LRRC4C: variants seen among roughly 807,000 people sequenced by gnomAD.
The protein encoded by LRRC4C is leucine-rich repeat-containing protein 4C.
Under a neutral mutation model 33.6 loss-of-function variants are expected in LRRC4C, and 5 were observed. The ratio of observed to expected loss-of-function variants is 0.15; its 90% confidence interval spans 0.08 to 0.31. The LOEUF is 0.31. Among genes scored for constraint, LRRC4C ranks in the 10% least tolerant of loss-of-function variants. The pLI is 1.00. For synonymous variants in LRRC4C, 329 were observed against 302.0 expected (o/e 1.09, Z -0.93); for missense variants, 560 against 796.7 (o/e 0.70, Z 3.58).
intron 3 of LRRC4C, among the ~76,000 whole-genome samples, chr11:40,488,284 C>G (rs958991123): frequency 1.3e-5 from 2 of 148,952 alleles, no homozygotes; most frequent in Non-Finnish European, 3.0e-5. Flanking sequence ...GTTTTTTTCC[C>G]CCCCCCACTT....
At chr11:40,134,952 C>G (rs1856870309) in intron 6 of LRRC4C, among the ~76,000 whole-genome samples, 1 of 152,194 alleles carries the variant, frequency 6.6e-6, no homozygotes, top group African/African-American at 2.4e-5. Flanking sequence ...AGGAAACTCT[C>G]TTTAATTGAG....
chr11:41,234,988 G>C (rs2136492755), intron 1 of LRRC4C, among the ~76,000 whole-genome samples: 1 of 151,936 alleles, frequency 6.6e-6, no homozygotes, highest in South Asian at 2.1e-4. Flanking sequence ...TCTGTCAGGA[G>C]GACTATAATA....
chr11:41,005,333 A>G (rs1193364273), intron 1 of LRRC4C, among the ~76,000 whole-genome samples: 5 of 152,074 alleles, frequency 3.3e-5, no homozygotes, highest in Admixed American at 3.3e-4. Flanking sequence ...GCTGGGCGTG[A>G]TGGCTCATGC....
At chr11:40,390,995 C>G (rs548352638) in intron 3 of LRRC4C, among the ~76,000 whole-genome samples, 28 of 152,164 alleles carry the variant, frequency 1.8e-4, no homozygotes, top group South Asian at 1.0e-3. Context: ...AATTGTGGTG[C>G]CTCAGCCTCC....
Position 40,900,430 on chromosome 11 carries a change from A to G in LRRC4C, c.-407+33205T>C, listed in dbSNP as rs762910918. Among the ~76,000 whole-genome samples, 42 of 152,086 alleles carry G rather than the reference A, an allele frequency of 2.8e-4. 1 individual carries two copies. The highest frequency in any genetic ancestry group is 2.8e-4 in the Non-Finnish European group (19 of 67,972). The stretch of plus-strand genomic sequence containing the variant: ...CAGTGGCAAGTGGTATTTAGAAACC[A>G]CTTGGCAATAATTGTGCTAATTGCC... On this transcript the variant is annotated intron_variant, in intron 2 of 6. Transcript: ENST00000528697.
Position 41,415,751 on chromosome 11 carries a change from A to G in LRRC4C, c.-496+43680T>C, listed in dbSNP as rs113049227. ...ATATCTAAATTCGTTTGCAACACTG[A>G]TATTCTGTGATTTTATGAATGCTTC... On this transcript the variant is annotated intron_variant, in intron 1 of 6. Coordinates refer to ENST00000528697, the MANE Select transcript of LRRC4C (RefSeq NM_001258419.2). 6.2e-3 allele frequency among the ~76,000 whole-genome samples: 948 copies of G among 152,256 alleles called. 6 individuals carry two copies. The highest frequency in any genetic ancestry group is 0.017 in the Middle Eastern group (5 of 294).
chr11:40,187,772 T>C (rs1010458017), intron 5 of LRRC4C, among the ~76,000 whole-genome samples: 1 of 152,124 alleles, frequency 6.6e-6, no homozygotes, highest in Non-Finnish European at 1.5e-5. Context: ...TCCAAATGAC[T>C]TTCATAGATG....
chr11:41,412,200 G>A (rs1275783928), intron 1 of LRRC4C, among the ~76,000 whole-genome samples: 1 of 151,954 alleles, frequency 6.6e-6, no homozygotes, highest in Non-Finnish European at 1.5e-5. Context: ...TATGACCCCC[G>A]TCACTCACTG....
At chr11:40,973,699 G>A (rs577460636) in intron 1 of LRRC4C, among the ~76,000 whole-genome samples, 6 of 152,264 alleles carry the variant, frequency 3.9e-5, no homozygotes, top group Middle Eastern at 3.4e-3. Flanking sequence ...TTAGAAATAT[G>A]ATTAATGTTA....
At chr11:41,119,840 AG>A (rs1942332610) in intron 1 of LRRC4C, among the ~76,000 whole-genome samples, 2 of 152,204 alleles carry the variant, frequency 1.3e-5, no homozygotes, top group African/African-American at 4.8e-5. Flanking sequence ...ATTTATGTAT[AG>A]ATGAGCTGAG....
chr11:40,663,247 A>G (rs1362200804), intron 2 of LRRC4C, among the ~76,000 whole-genome samples: 1 of 151,134 alleles, frequency 6.6e-6, no homozygotes, highest in Non-Finnish European at 1.5e-5. Flanking sequence ...TGCCTGGCTA[A>G]TTTTTGTATT....
intron 1 of LRRC4C, among the ~76,000 whole-genome samples, chr11:41,415,577 A>C (rs140909431): frequency 6.6e-6 from 1 of 152,226 alleles, no homozygotes; most frequent in African/African-American, 2.4e-5. Context: ...TTTTCAAAGT[A>C]TGTTCTGAGA....
At chr11:40,621,668 C>T (rs1962464960) in intron 3 of LRRC4C, among the ~76,000 whole-genome samples, 1 of 151,706 alleles carries the variant, frequency 6.6e-6, no homozygotes, top group Non-Finnish European at 1.5e-5. Context: ...GGGATGGAAC[C>T]TTGTCTAACT....
chr11:41,105,463 G>C (rs900655282), intron 1 of LRRC4C, among the ~76,000 whole-genome samples: 19 of 152,060 alleles, frequency 1.2e-4, no homozygotes, highest in African/African-American at 4.6e-4. Context: ...AGCTCTCCAA[G>C]AGCAAAGTAG....
At chr11:40,717,515 A>G (rs528163490) in intron 2 of LRRC4C, among the ~76,000 whole-genome samples, 1 of 152,248 alleles carries the variant, frequency 6.6e-6, no homozygotes, top group South Asian at 2.1e-4. Context: ...AGTTATCCAT[A>G]AACTACTCTT....
chr11:40,816,594 T>A (rs1004142002), intron 2 of LRRC4C, among the ~76,000 whole-genome samples: 1 of 152,174 alleles, frequency 6.6e-6, no homozygotes, highest in South Asian at 2.1e-4. Context: ...TTTAGACACA[T>A]TCTTATAGAG....
intron 1 of LRRC4C, among the ~76,000 whole-genome samples, chr11:41,155,537 T>A (rs1006563202): frequency 1.3e-5 from 2 of 152,090 alleles, no homozygotes; most frequent in African/African-American, 4.8e-5. Flanking sequence ...CCAAAGCAGT[T>A]CTTTGCTCTC....
intron 1 of LRRC4C, among the ~76,000 whole-genome samples, chr11:41,295,352 A>G (rs1950108085): frequency 6.6e-6 from 1 of 152,204 alleles, no homozygotes; most frequent in Non-Finnish European, 1.5e-5. Flanking sequence ...TATGCGGTAA[A>G]AAAAAGCAGA....
rs183598084 is a variant in LRRC4C at position 41,165,782 on chromosome 11, C to A, written c.-495-232059G>T. Among the ~76,000 whole-genome samples, 412 of 152,226 alleles carry A rather than the reference C, an allele frequency of 2.7e-3. 3 individuals are homozygous for A. The highest frequency in any genetic ancestry group is 9.4e-3 in the African/African-American group (392 of 41,540). On this transcript the variant is annotated intron_variant, in intron 1 of 6. Transcript: ENST00000528697. The stretch of plus-strand genomic sequence containing the variant: ...TAGTGGCTCAGACCTGTAATCCCAG[C>A]ACTTTGGGAGGCCGAGGTGGGTGGA...
Sources: allele counts gnomAD v4.1 joint callset (sites outside exome capture counted in the v4.1 genomes callset), GRCh38; gene constraint gnomAD v4.1.1; transcripts MANE v1.5; gene names NCBI Gene and HGNC (gene_info 2026-07-23, HGNC 2026-07-21).